Variants in PDCD1LG2 observed in about 807,000 individuals in gnomAD.
The protein encoded by PDCD1LG2 is programmed cell death 1 ligand 2.
Under a neutral mutation model 28.2 loss-of-function variants are expected in PDCD1LG2, and 32 were observed. The ratio of observed to expected loss-of-function variants is 1.13; its 90% CI spans 0.86 to 1.52. The LOEUF (loss-of-function observed/expected upper bound fraction) is 1.52, where lower values mean the gene tolerates loss of function less well. PDCD1LG2 is among the 40% of genes most tolerant of loss of function. PDCD1LG2 has a pLI of 0.00. For missense variants in PDCD1LG2, 385 were observed against 323.8 expected (o/e 1.19, Z -1.45); for synonymous variants, 116 against 120.2 (o/e 0.97, Z 0.23).
intron 4 of PDCD1LG2, among the ~76,000 whole-genome samples, chr9:5,550,242 G>A (rs1816303372): frequency 6.6e-6 from 1 of 152,110 alleles, no homozygotes. Flanking sequence ...AGCCTTTACT[G>A]ACTATGCTGG....
intron 5 of PDCD1LG2, 37 bp downstream of exon 5, chr9:5,557,789 G>T (rs1586818577): frequency 3.7e-6 from 6 of 1,610,804 alleles, no homozygotes; most frequent in African/African-American, 1.3e-5. Context: ...CAATGCACTG[G>T]GTGTCTGCAG....
At chr9:5,557,108 T>C (rs2129916663) in intron 4 of PDCD1LG2, among the ~76,000 whole-genome samples, 1 of 152,290 alleles carries the variant, frequency 6.6e-6, no homozygotes, top group South Asian at 2.1e-4. Flanking sequence ...ACTAATGGTA[T>C]AGATTCTAAG....
intron 2 of PDCD1LG2, among the ~76,000 whole-genome samples, chr9:5,533,644 C>T (rs1820524548): frequency 6.6e-6 from 1 of 152,046 alleles, no homozygotes; most frequent in South Asian, 2.1e-4. Context: ...TAATTTAACT[C>T]CCTTTAGGCT....
intron 1 of PDCD1LG2, among the ~76,000 whole-genome samples, chr9:5,521,091 T>C (rs985230118): frequency 6.6e-6 from 1 of 152,178 alleles, no homozygotes; most frequent in African/African-American, 2.4e-5. Context: ...CAACATTATG[T>C]TCGGTGAAAA....
chr9:5,517,211 A>G (rs1003131507), intron 1 of PDCD1LG2, among the ~76,000 whole-genome samples: 4 of 152,266 alleles, frequency 2.6e-5, no homozygotes, highest in African/African-American at 4.8e-5. Flanking sequence ...TGCTCTTGCA[A>G]TTTTACATAA....
chr9:5,541,981 A>G (rs1053287921), intron 3 of PDCD1LG2, among the ~76,000 whole-genome samples: 1 of 152,226 alleles, frequency 6.6e-6, no homozygotes, highest in Non-Finnish European at 1.5e-5. Context: ...GTATAAAAAT[A>G]GGCACATAGA....
At chr9:5,562,941 A>C (rs552221113) in intron 5 of PDCD1LG2, among the ~76,000 whole-genome samples, 1 of 152,328 alleles carries the variant, frequency 6.6e-6, no homozygotes, top group Admixed American at 6.5e-5. Flanking sequence ...CCAGGAGTAG[A>C]CAGAGGAATG....
chr9:5,533,224 T>C (rs750359657), intron 2 of PDCD1LG2, among the ~76,000 whole-genome samples: 2 of 152,250 alleles, frequency 1.3e-5, no homozygotes, highest in Non-Finnish European at 2.9e-5. Context: ...GATTTTCCTA[T>C]ACCTCCATCA....
At chr9:5,516,441 G>T (rs549465130) in intron 1 of PDCD1LG2, among the ~76,000 whole-genome samples, 1 of 152,226 alleles carries the variant, frequency 6.6e-6, no homozygotes, top group Non-Finnish European at 1.5e-5. Flanking sequence ...AGCACTGTAA[G>T]TTCTTACCCC....
At chr9:5,528,586 T>G (rs1820423644) in intron 2 of PDCD1LG2, among the ~76,000 whole-genome samples, 1 of 152,230 alleles carries the variant, frequency 6.6e-6, no homozygotes, top group African/African-American at 2.4e-5. Context: ...ATTACAGGCA[T>G]AAGCCACTGC....
In PDCD1LG2 at chr9:5,570,934, G is replaced by C. The variant is rs192566024; in HGVS notation, c.*975G>C. 8.6e-6 allele frequency: 2 copies of C among 232,812 alleles called. No homozygotes were observed. The highest frequency in any genetic ancestry group is 1.1e-4 in the Admixed American group (2 of 17,792). 14.4% of individuals were successfully genotyped at this position (232,812 alleles called of 1,614,324 possible). A position where few individuals can be genotyped will look rare whatever the true frequency, so the allele number is the denominator to read the frequency against. On this transcript the variant is annotated 3_prime_UTR_variant, in exon 7 of 7. Transcript: ENST00000397747. ...AATTGGCACTATGGAAATCCTGCAA[G>C]ATCCCACTACATATGTGTGGAGCAG...
At chr9:5,532,056 T>C (rs911006685) in intron 2 of PDCD1LG2, among the ~76,000 whole-genome samples, 1 of 152,228 alleles carries the variant, frequency 6.6e-6, no homozygotes, top group African/African-American at 2.4e-5. Flanking sequence ...GGTCCCATTA[T>C]GGAGATTCTG....
chr9:5,562,444 G>T (rs1816582384), intron 5 of PDCD1LG2, among the ~76,000 whole-genome samples: 1 of 152,182 alleles, frequency 6.6e-6, no homozygotes. Flanking sequence ...CTATGGATAT[G>T]CAAAGGCATA....
At chr9:5,517,818 A>G (rs1366536923) in intron 1 of PDCD1LG2, among the ~76,000 whole-genome samples, 1 of 152,234 alleles carries the variant, frequency 6.6e-6, no homozygotes, top group Admixed American at 6.5e-5. Flanking sequence ...TAGAGTGAGA[A>G]AAGAAAGGAC....
chr9:5,533,587 T>C (rs1002335280), intron 2 of PDCD1LG2, among the ~76,000 whole-genome samples: 9 of 152,182 alleles, frequency 5.9e-5, no homozygotes, highest in African/African-American at 2.2e-4. Flanking sequence ...TTATATGCAA[T>C]TGAAGGATTA....
chr9:5,534,884 T>C lies in PDCD1LG2; in HGVS notation c.195T>C (p.Asp65=). ...CCAGTTTGCAAAAGGTGGAAAATGA[T>C]ACATCCCCACACCGTGAAAGAGCCA... ...ITASLQKVEN[D]TSPHRERATL... is the part of the protein sequence containing the mutation. Residue 65 remains aspartate (D), a synonymous_variant, in exon 3 of 7, where the codon GAT becomes GAC. Transcript: ENST00000397747. 4 of 1,614,112 alleles carry C rather than the reference T, an allele frequency of 2.5e-6. No homozygotes were observed. Among genetic ancestry groups the C allele is most frequent in the Non-Finnish European group, 3.4e-6 (4 of 1,180,010 alleles).
At chr9:5,539,788 C>A (rs1263801515) in intron 3 of PDCD1LG2, among the ~76,000 whole-genome samples, 2 of 152,106 alleles carry the variant, frequency 1.3e-5, no homozygotes, top group Non-Finnish European at 2.9e-5. Flanking sequence ...AAGGCCTGGG[C>A]AGGGCAGGGG....
Position 5,557,663 on chromosome 9 carries a change from T to A in PDCD1LG2, c.677T>A (p.Phe226Tyr), listed in dbSNP as rs763378893. 1.2e-6 allele frequency: 2 copies of A among 1,613,900 alleles called. No individual in the cohort carries two copies. The highest frequency in any genetic ancestry group is 1.1e-5 in the South Asian group (1 of 91,078). ...CATCCAACTTGGCTGCTTCACATTTTCATCCCCTTCTGCATCATTGCTTTC... is the reference window on the plus strand; with the variant it reads ...CATCCAACTTGGCTGCTTCACATTTACATCCCCTTCTGCATCATTGCTTTC... ...RTHPTWLLHI[F>Y]IPFCIIAFIF... The change falls in exon 5 of 7, where the codon TTC (phenylalanine) becomes TAC (tyrosine). Residue 226 changes from phenylalanine (F) to tyrosine (Y), a missense_variant. Physicochemically the swap from Phe to Tyr is conservative, Grantham distance 22 (BLOSUM62 3). Transcript: ENST00000397747.
At chr9:5,535,794 T>G (rs888746062) in intron 3 of PDCD1LG2, among the ~76,000 whole-genome samples, 2 of 152,204 alleles carry the variant, frequency 1.3e-5, no homozygotes, top group African/African-American at 4.8e-5. Flanking sequence ...CCTATTCCTC[T>G]GGATTCAGGG....
Sources: allele counts gnomAD v4.1 joint callset (sites outside exome capture counted in the v4.1 genomes callset), GRCh38; gene constraint gnomAD v4.1.1; transcripts MANE v1.5; gene names NCBI Gene and HGNC (gene_info 2026-07-23, HGNC 2026-07-21).